Variants in CRYBG3 observed in about 807,000 individuals in gnomAD.
The protein encoded by CRYBG3 is very large A-kinase anchor protein.
In CRYBG3, 127 loss-of-function variants were observed where a neutral mutation model predicts 244.2. That is an observed-to-expected ratio of 0.52 (90% CI 0.45 to 0.60). The LOEUF (loss-of-function observed/expected upper bound fraction) is 0.60. CRYBG3 is among the 20% of genes least tolerant of loss of function. The probability of loss-of-function intolerance (pLI) is 0.00; values close to 1 mark genes in which losing one functional copy is unlikely to be tolerated. For missense variants in CRYBG3, 3,325 were observed against 3,442.5 expected (o/e 0.97, Z 0.85); for synonymous variants, 1,132 against 1,195.8 (o/e 0.95, Z 1.10).
intron 1 of CRYBG3, among the ~76,000 whole-genome samples, chr3:97,822,880 A>G (rs1424781496): frequency 2.6e-5 from 4 of 152,208 alleles, no homozygotes; most frequent in Non-Finnish European, 4.4e-5. Context: ...TATTTTTGCC[A>G]TCTTATTTAA....
At chr3:97,891,477 T>C (rs975414577) in intron 10 of CRYBG3, among the ~76,000 whole-genome samples, 1 of 152,122 alleles carries the variant, frequency 6.6e-6, no homozygotes, top group Non-Finnish European at 1.5e-5. Flanking sequence ...CTTCAAAAAG[T>C]TCATGGAAAA....
chr3:97,911,533 A>G (rs2108250266), intron 15 of CRYBG3, among the ~76,000 whole-genome samples: 1 of 152,364 alleles, frequency 6.6e-6, no homozygotes, highest in East Asian at 1.9e-4. Context: ...CAGAAAACCG[A>G]AGCCTGTAAG....
chr3:97,859,595 G>A (rs2039116557), intron 2 of CRYBG3, among the ~76,000 whole-genome samples: 1 of 152,162 alleles, frequency 6.6e-6, no homozygotes. Context: ...GAACCTAACT[G>A]CTTTTTTGTT....
At chr3:97,871,226 A>G (rs1206233510) in intron 3 of CRYBG3, among the ~76,000 whole-genome samples, 1 of 152,214 alleles carries the variant, frequency 6.6e-6, no homozygotes, top group Non-Finnish European at 1.5e-5. Context: ...GTTTAATACT[A>G]TACTAAATGA....
At position 97,900,433 on chromosome 3, in the gene CRYBG3, T is replaced by C. The variant is rs2039693797; in HGVS notation, c.7972-20T>C. ...GATTATGTGATTACAATTTTGAAAA[T>C]GTTTTAATATGTTTTTCAGGAACCA... is the stretch of plus-strand genomic sequence containing the variant. On this transcript the variant is annotated intron_variant, in intron 14 of 21. Coordinates refer to ENST00000389622, the MANE Select transcript of CRYBG3 (RefSeq NM_153605.4). 2.0e-6 allele frequency: 3 copies of C among 1,507,366 alleles called. No homozygotes were observed. The East Asian group carries it at 6.8e-5, about 34-fold the overall frequency. 93.4% of individuals were successfully genotyped at this position (1,507,366 alleles called of 1,614,324 possible). A position where few individuals can be genotyped will look rare whatever the true frequency, so the allele number is the denominator to read the frequency against.
intron 2 of CRYBG3, among the ~76,000 whole-genome samples, chr3:97,850,124 T>C (rs1215729852): frequency 6.6e-6 from 1 of 152,182 alleles, no homozygotes; most frequent in Non-Finnish European, 1.5e-5. Context: ...TCCTGCTATT[T>C]CTGGAAGTAC....
rs1450374654 is a variant in CRYBG3 at position 97,877,820 on chromosome 3, A to G, written c.6626A>G (p.Gln2209Arg). The G allele has an allele frequency of 1.2e-6, 2 of 1,614,096 alleles. No individual in the cohort carries two copies. The highest frequency in any genetic ancestry group is 1.7e-6 in the Non-Finnish European group (2 of 1,179,986). The stretch of plus-strand genomic sequence containing the variant: ...AATGAACCTACTACCTCCAATCTGC[A>G]AGTTGGTCTGTGGCCAGAAAAGACC... ...MPNEPTTSNL[Q>R]VGLWPEKTSF... The change falls in exon 4 of 22, where the codon CAA becomes CGA. Residue 2209 changes from glutamine (Q) to arginine (R), a missense_variant. Transcript: ENST00000389622.
Position 97,874,866 on chromosome 3 carries a change from C to T in CRYBG3, c.3672C>T (p.Cys1224=), listed in dbSNP as rs1375475318. The change falls in exon 4 of 22, where the codon TGC becomes TGT. Residue 1224 remains cysteine, a synonymous_variant. Transcript: ENST00000389622. ...ELKFKHTVST[C]QEHIAIEGIM... is the part of the protein sequence containing the mutation. ...AATTCAAACACACAGTGAGTACCTG[C>T]CAGGAGCATATAGCCATAGAAGGTA... 20 of 1,535,368 alleles carry T rather than the reference C, an allele frequency of 1.3e-5. No homozygotes were observed. Among genetic ancestry groups the T allele is most frequent in the Non-Finnish European group, 1.7e-5 (19 of 1,146,618 alleles).
rs11918990 is a variant in CRYBG3, at chr3:97,881,209, G to A, written c.7142G>A (p.Arg2381His). ...AACTTTATATTGGGTTCTCTCAAACGTGTCTTAAAGGTAACAACTGTAGAT... is the reference window on the plus strand; with the variant it reads ...AACTTTATATTGGGTTCTCTCAAACATGTCTTAAAGGTAACAACTGTAGAT... The part of the protein sequence containing the change: ...QRNFILGSLK[R>H]VLKDCSIPEI... Residue 2381 changes from arginine to histidine, a missense_variant, in exon 7 of 22, where the codon CGT (arginine) becomes CAT (histidine). Around this residue, in one of 4 missense-constraint regions of CRYBG3, gnomAD observed 714 missense variants for 803.6 expected, o/e 0.89. Transcript: ENST00000389622. 3.1e-4 allele frequency: 504 copies of A among 1,600,860 alleles called. 3 individuals are homozygous for A. The African/African-American group carries it at 5.6e-3, about 18-fold the overall frequency.
At chr3:97,880,314 C>G (rs1430434844) in intron 6 of CRYBG3, among the ~76,000 whole-genome samples, 1 of 152,014 alleles carries the variant, frequency 6.6e-6, no homozygotes, top group Non-Finnish European at 1.5e-5. Context: ...AGTGCTTAAG[C>G]CAGTAAGTTG....
chr3:97,864,307 A>G lies in CRYBG3; in HGVS notation c.307A>G (p.Ser103Gly). 1 of 1,535,888 alleles carries G rather than the reference A, an allele frequency of 6.5e-7. No homozygotes were observed. The highest frequency in any genetic ancestry group is 8.7e-7 in the Non-Finnish European group (1 of 1,146,742). The stretch of plus-strand genomic sequence containing the variant: ...TCCCAAAAAGGCATATGATCTTTCC[A>G]GTTCCACTTCAGATACCAAAATAGG... ...EDPKKAYDLS[S>G]STSDTKIGES... Residue 103 changes from serine (S) to glycine (G), a missense_variant, in exon 3 of 22, where the codon AGT becomes GGT. By Grantham distance (56) the Ser-to-Gly change is moderately conservative. This residue lies in a region of CRYBG3 where 1,526 missense variants were observed against 1,443.2 expected (regional missense o/e 1.06). Transcript: ENST00000389622.
At chr3:97,942,137 A>G (rs1195772441) in intron 20 of CRYBG3, 147 bp from the exon 21 acceptor site, 9 of 534,538 alleles carry the variant, frequency 1.7e-5, no homozygotes, top group African/African-American at 3.9e-5. Flanking sequence ...AAAAAGGCTT[A>G]CTGAAATTAT....
chr3:97,892,231 C>T (rs1015519490), intron 10 of CRYBG3, among the ~76,000 whole-genome samples: 3 of 152,090 alleles, frequency 2.0e-5, no homozygotes, highest in African/African-American at 7.2e-5. Flanking sequence ...AATGTTTGCT[C>T]AACTTTAATT....
intron 15 of CRYBG3, among the ~76,000 whole-genome samples, chr3:97,908,982 TA>T (rs1559740658): frequency 6.6e-6 from 1 of 151,926 alleles, no homozygotes; most frequent in African/African-American, 2.4e-5. Context: ...GTCTGTAAAG[TA>T]TTTTATTTCT....
intron 2 of CRYBG3, among the ~76,000 whole-genome samples, 167 bp downstream of exon 2, chr3:97,843,428 C>T (rs562421439): frequency 1.3e-5 from 2 of 152,182 alleles, no homozygotes; most frequent in Admixed American, 6.5e-5. Flanking sequence ...GGAGGTGGGA[C>T]GGGAGTCTGG....
intron 15 of CRYBG3, among the ~76,000 whole-genome samples, chr3:97,904,685 TA>T (rs575900824): frequency 1.3e-5 from 2 of 150,398 alleles, no homozygotes; most frequent in East Asian, 2.0e-4. Context: ...TTTTATTTTT[TA>T]TTTTTTTATT....
intron 18 of CRYBG3, among the ~76,000 whole-genome samples, chr3:97,934,242 C>T (rs1191110969): frequency 6.6e-6 from 1 of 152,022 alleles, no homozygotes; most frequent in Non-Finnish European, 1.5e-5. Flanking sequence ...TTTAGGTTAT[C>T]AGTCAGTCAG....
chr3:97,899,424 AG>A (rs2039678412), intron 14 of CRYBG3, among the ~76,000 whole-genome samples, 161 bp downstream of exon 14: 1 of 152,234 alleles, frequency 6.6e-6, no homozygotes, highest in African/African-American at 2.4e-5. Context: ...CATAGACAGT[AG>A]TAGATATTAA....
At chr3:97,849,742 A>G (rs1367256670) in intron 2 of CRYBG3, among the ~76,000 whole-genome samples, 1 of 152,162 alleles carries the variant, frequency 6.6e-6, no homozygotes, top group Non-Finnish European at 1.5e-5. Context: ...TTTGTGAGAA[A>G]ATTTGCCTTT....
Sources: allele counts gnomAD v4.1 joint callset (sites outside exome capture counted in the v4.1 genomes callset), GRCh38; gene constraint gnomAD v4.1.1; regional missense constraint gnomAD v4.1.1; transcripts MANE v1.5; gene names NCBI Gene and HGNC (gene_info 2026-07-23, HGNC 2026-07-21).